The following MECOM variants were observed in gnomAD, a reference collection of about 807,000 sequenced individuals.
The protein encoded by MECOM is MDS1 and EVI1 complex locus, also known as histone-lysine N-methyltransferase MECOM.
MECOM carries 13 observed loss-of-function variants against 116.3 expected under a neutral mutation model. The ratio of observed to expected loss-of-function variants is 0.11; its 90% confidence interval spans 0.07 to 0.18. The LOEUF (loss-of-function observed/expected upper bound fraction) is 0.18, where lower values mean the gene tolerates loss of function less well. Ranked by LOEUF, MECOM falls within the 10% of genes least tolerant of loss-of-function variation. MECOM has a pLI of 1.00. For synonymous variants in MECOM, 528 were observed against 535.2 expected, an observed-to-expected ratio of 0.99 and a Z score of 0.19; for missense variants, 1,299 against 1,509.0, an observed-to-expected ratio of 0.86 and a Z score of 2.31.
intron 2 of MECOM, among the ~76,000 whole-genome samples, chr3:169,345,346 GA>G (rs942310034): frequency 2.7e-4 from 41 of 151,160 alleles, no homozygotes; most frequent in African/African-American, 9.7e-4. Flanking sequence ...GGGATAGGAA[GA>G]AAAAAAAAGA....
At chr3:169,147,714 T>G (rs377672027) in intron 2 of MECOM, 41 of 956,652 alleles carry the variant, frequency 4.3e-5, no homozygotes, top group Non-Finnish European at 4.7e-5. Flanking sequence ...AGCACAAGTG[T>G]GGTGTGTGTG....
rs569719227 is a variant in MECOM, at chr3:169,251,890, G to T, written c.376-108058C>A. Among the ~76,000 whole-genome samples the T allele has an allele frequency of 5.9e-5, 9 of 152,144 alleles. 1 individual carries two copies. Among genetic ancestry groups the T allele is most frequent in the African/African-American group, 1.9e-4 (8 of 41,502 alleles). The stretch of plus-strand genomic sequence containing the variant: ...TTGCTGCATTGCTTTTAAAGAAATA[G>T]GTGGAAAAAAGATAATCCAAACCAT... On this transcript the variant is annotated intron_variant, in intron 2 of 16. Coordinates refer to ENST00000651503, the MANE Select transcript of MECOM (RefSeq NM_004991.4).
chr3:169,326,388 G>A (rs941159550), intron 2 of MECOM, among the ~76,000 whole-genome samples: 1 of 152,178 alleles, frequency 6.6e-6, no homozygotes, highest in African/African-American at 2.4e-5. Flanking sequence ...AGTAAATACT[G>A]TAATTGAAGT....
intron 2 of MECOM, among the ~76,000 whole-genome samples, chr3:169,306,720 A>T (rs6768042): frequency 0.14 from 21,015 of 152,208 alleles, 2,010 homozygotes; most frequent in East Asian, 0.41. Context: ...TTCTTGAAAC[A>T]TGCACAGACT....
intron 1 of MECOM, among the ~76,000 whole-genome samples, chr3:169,438,254 G>GT (rs572741698): frequency 1.3e-3 from 188 of 148,740 alleles, no homozygotes; most frequent in Middle Eastern, 3.4e-3. Flanking sequence ...CATTTTGCTT[G>GT]TTTTTTTTTT....
At chr3:169,167,330 T>G (rs1743750049) in intron 2 of MECOM, among the ~76,000 whole-genome samples, 1 of 152,188 alleles carries the variant, frequency 6.6e-6, no homozygotes, top group African/African-American at 2.4e-5. Context: ...ACTCCTCCAG[T>G]TGGACTGCAA....
intron 2 of MECOM, among the ~76,000 whole-genome samples, chr3:169,321,889 CA>C (rs1287713272): frequency 6.6e-6 from 1 of 152,164 alleles, no homozygotes; most frequent in Non-Finnish European, 1.5e-5. Context: ...AATTAAATAT[CA>C]AACTAATGAA....
chr3:169,255,220 G>A (rs1016571834), intron 2 of MECOM, among the ~76,000 whole-genome samples: 1 of 152,070 alleles, frequency 6.6e-6, no homozygotes, highest in African/African-American at 2.4e-5. Flanking sequence ...CCATGACACC[G>A]AGCCGGTACA....
At chr3:169,223,626 G>A (rs917235564) in intron 2 of MECOM, among the ~76,000 whole-genome samples, 1 of 151,944 alleles carries the variant, frequency 6.6e-6, no homozygotes, top group Admixed American at 6.6e-5. Flanking sequence ...TAGAACCCTG[G>A]GAAATAATGT....
intron 1 of MECOM, among the ~76,000 whole-genome samples, chr3:169,383,547 T>C (rs951362210): frequency 6.6e-6 from 1 of 152,218 alleles, no homozygotes; most frequent in African/African-American, 2.4e-5. Flanking sequence ...CTAACCTTCA[T>C]CCAATTCTTT....
At chr3:169,278,648 G>T (rs1445014149) in intron 2 of MECOM, among the ~76,000 whole-genome samples, 1 of 152,172 alleles carries the variant, frequency 6.6e-6, no homozygotes, top group Admixed American at 6.5e-5. Context: ...CTCATAATCT[G>T]TCTGATAACC....
At chr3:169,172,668 G>A (rs2149375528) in intron 2 of MECOM, among the ~76,000 whole-genome samples, 1 of 152,264 alleles carries the variant, frequency 6.6e-6, no homozygotes, top group South Asian at 2.1e-4. Flanking sequence ...AGGAATGGAT[G>A]TGAAGATTTT....
At chr3:169,147,694 A>T in intron 2 of MECOM, 1 of 984,174 alleles carries the variant, frequency 1.0e-6, no homozygotes, top group Non-Finnish European at 1.2e-6. Context: ...CTCCGTTTCG[A>T]TGTCTTGAAA....
chr3:169,421,073 A>T (rs1739644378), intron 1 of MECOM, among the ~76,000 whole-genome samples: 1 of 151,832 alleles, frequency 6.6e-6, no homozygotes, highest in South Asian at 2.1e-4. Flanking sequence ...GTCATGACAA[A>T]CTCCAGTCCC....
At chr3:169,536,616 A>G (rs1759396837) in intron 1 of MECOM, among the ~76,000 whole-genome samples, 1 of 152,114 alleles carries the variant, frequency 6.6e-6, no homozygotes, top group Admixed American at 6.6e-5. Flanking sequence ...CAGATGTTTA[A>G]AAAACAAAGT....
chr3:169,382,961 T>C (rs9859411), intron 1 of MECOM, among the ~76,000 whole-genome samples: 2,714 of 150,620 alleles, frequency 0.018, 94 homozygotes, highest in African/African-American at 0.063. Context: ...GGATGATGCA[T>C]CATCCCTAAC....
chr3:169,226,713 T>C (rs776777553), intron 2 of MECOM, among the ~76,000 whole-genome samples: 15 of 152,244 alleles, frequency 9.9e-5, no homozygotes, highest in Admixed American at 4.6e-4. Context: ...TGATCAATAA[T>C]GGAAAGGGGA....
At chr3:169,086,413 G>T in intron 16 of MECOM, 2 of 609,584 alleles carry the variant, frequency 3.3e-6, no homozygotes, top group South Asian at 2.1e-5. Context: ...TACTCTGAAA[G>T]AGTTAAAACA....
At chr3:169,208,679 G>T (rs1289032245) in intron 2 of MECOM, among the ~76,000 whole-genome samples, 11 of 151,832 alleles carry the variant, frequency 7.2e-5, no homozygotes, top group Non-Finnish European at 1.5e-5. Flanking sequence ...CAAACCACTG[G>T]TCAGGAAATA....
Sources: gnomAD v4.1 joint callset for allele counts (sites outside exome capture counted in the v4.1 genomes callset) on GRCh38, gnomAD v4.1.1 for gene constraint, MANE v1.5 for transcripts, NCBI Gene and HGNC (gene_info 2026-07-23, HGNC 2026-07-21) for gene names.